TENM3: variants seen among roughly 807,000 people sequenced by gnomAD.
TENM3 encodes teneurin-3.
Under a neutral mutation model 255.1 loss-of-function variants are expected in TENM3, and 63 were observed. The observed-to-expected ratio is 0.25, with a 90% confidence interval of 0.20 to 0.30. The LOEUF (loss-of-function observed/expected upper bound fraction) is 0.30. TENM3 is among the 10% of genes least tolerant of loss of function. TENM3 has a pLI of 1.00. For synonymous variants in TENM3, 1,306 were observed against 1,322.3 expected (o/e 0.99, Z 0.27); for missense variants, 2,929 against 3,461.1 (o/e 0.85, Z 3.86).
At chr4:181,683,058 T>A in the TENM3 span, among the ~76,000 whole-genome samples, 4 of 151,050 alleles carry the variant, frequency 2.6e-5, no homozygotes, top group South Asian at 2.1e-4. Flanking sequence ...AATAAAAATT[T>A]AAAAAAATTA....
At chr4:181,863,885 G>T in the TENM3 span, among the ~76,000 whole-genome samples, 9 of 152,034 alleles carry the variant, frequency 5.9e-5, no homozygotes, top group Admixed American at 5.9e-4. Flanking sequence ...TACCAACACA[G>T]CACAGCCCAT....
the TENM3 span, among the ~76,000 whole-genome samples, chr4:182,015,786 C>T: frequency 6.6e-6 from 1 of 152,042 alleles, no homozygotes; most frequent in Non-Finnish European, 1.5e-5. Flanking sequence ...GTCTCGAACT[C>T]CTGACCTCGT....
intron 6 of TENM3, 89 bp downstream of exon 6, chr4:182,653,982 A>G (rs2152516849): frequency 2.3e-6 from 3 of 1,317,220 alleles, no homozygotes; most frequent in East Asian, 2.6e-5. Flanking sequence ...TCTAGTTTAG[A>G]TGGAACAGGG....
At chr4:181,715,440 T>C in the TENM3 span, among the ~76,000 whole-genome samples, 2 of 152,218 alleles carry the variant, frequency 1.3e-5, no homozygotes, top group Middle Eastern at 3.2e-3. Flanking sequence ...TAAATGCATA[T>C]GTAAATACTT....
the TENM3 span, among the ~76,000 whole-genome samples, chr4:181,510,579 A>G: frequency 6.6e-6 from 1 of 152,246 alleles, no homozygotes; most frequent in Non-Finnish European, 1.5e-5. Flanking sequence ...TAAAAAAAGA[A>G]AGTGTAACAA....
intron 7 of TENM3, among the ~76,000 whole-genome samples, chr4:182,679,368 C>A (rs532690130): frequency 7.2e-5 from 11 of 152,236 alleles, no homozygotes; most frequent in Middle Eastern, 3.4e-3. Context: ...TATCCCCAAA[C>A]TGCCTAAACT....
chr4:181,982,394 G>A, the TENM3 span, among the ~76,000 whole-genome samples: 582 of 152,152 alleles, frequency 3.8e-3, 18 homozygotes, highest in South Asian at 0.058. Context: ...TTTGGGAGGC[G>A]GATGTACAGT....
the TENM3 span, among the ~76,000 whole-genome samples, chr4:181,818,421 T>A: frequency 6.6e-6 from 1 of 152,100 alleles, no homozygotes; most frequent in Non-Finnish European, 1.5e-5. Context: ...CTTCAAAACT[T>A]CTCTTCCTGA....
At chr4:182,153,588 C>G (rs540371888) in intron 1 of TENM3, among the ~76,000 whole-genome samples, 140 of 152,206 alleles carry the variant, frequency 9.2e-4, no homozygotes, top group African/African-American at 3.3e-3. Context: ...AAATCTAGTT[C>G]TAGTTCAGCT....
At chr4:182,773,346 T>G in intron 22 of TENM3, 126 bp from the exon 23 acceptor site, 1 of 824,062 alleles carries the variant, frequency 1.2e-6, no homozygotes, top group South Asian at 2.0e-5. Flanking sequence ...TCACTCTGCA[T>G]CGCTCATCCA....
At chr4:182,177,962 T>TG (rs1554026694) in intron 1 of TENM3, among the ~76,000 whole-genome samples, 1 of 136,726 alleles carries the variant, frequency 7.3e-6, no homozygotes, top group Admixed American at 7.3e-5. Flanking sequence ...GTTTTTGTTT[T>TG]TTTTTTTTTT....
At chr4:182,406,093 G>C (rs1769553169) in intron 3 of TENM3, among the ~76,000 whole-genome samples, 1 of 152,124 alleles carries the variant, frequency 6.6e-6, no homozygotes, top group African/African-American at 2.4e-5. Flanking sequence ...ATCACCTGCA[G>C]TCAGGAGTTC....
chr4:182,519,166 C>CAA (rs143174812), intron 3 of TENM3, among the ~76,000 whole-genome samples: 17 of 146,638 alleles, frequency 1.2e-4, no homozygotes, highest in Admixed American at 6.7e-4. Context: ...GCTTTAGTGC[C>CAA]AAAAAAAAAA....
At chr4:181,616,008 G>T in the TENM3 span, among the ~76,000 whole-genome samples, 1 of 152,028 alleles carries the variant, frequency 6.6e-6, no homozygotes, top group Non-Finnish European at 1.5e-5. Context: ...TATTAGAGCA[G>T]ATCTTCTTGA....
chr4:182,724,717 C>T (rs950663668), intron 13 of TENM3, among the ~76,000 whole-genome samples: 1 of 152,216 alleles, frequency 6.6e-6, no homozygotes, highest in Non-Finnish European at 1.5e-5. Context: ...AGGGAAGACA[C>T]TGGCAGCATT....
Position 182,574,793 on chromosome 4 carries a change from T to A in TENM3, c.512-26131T>A, listed in dbSNP as rs574881006. On this transcript the variant is annotated intron_variant, in intron 3 of 27. Coordinates refer to ENST00000511685, the MANE Select transcript of TENM3 (RefSeq NM_001080477.4). Reference sequence around the variant, plus strand: ...TTCTCAATGAGCTATTTCAAAAAAATTTTTTTACAATGCAATTGCGGATGG... The same window carrying A: ...TTCTCAATGAGCTATTTCAAAAAAAATTTTTTACAATGCAATTGCGGATGG... 7.2e-5 allele frequency among the ~76,000 whole-genome samples: 11 copies of A among 152,170 alleles called. No homozygotes were observed. The South Asian group carries it at 2.3e-3, about 32-fold the overall frequency.
At chr4:182,411,380 A>G (rs553585292) in intron 3 of TENM3, among the ~76,000 whole-genome samples, 1 of 152,308 alleles carries the variant, frequency 6.6e-6, no homozygotes, top group East Asian at 1.9e-4. Flanking sequence ...AAATGCCCTC[A>G]CTATCCCTCC....
chr4:181,863,290 A>AT, the TENM3 span, among the ~76,000 whole-genome samples: 1 of 152,174 alleles, frequency 6.6e-6, no homozygotes, highest in Non-Finnish European at 1.5e-5. Flanking sequence ...TAAGCAATGC[A>AT]TTTTTAACAA....
chr4:182,150,852 G>A (rs372641028), intron 1 of TENM3, among the ~76,000 whole-genome samples: 4 of 152,152 alleles, frequency 2.6e-5, no homozygotes, highest in East Asian at 1.9e-4. Context: ...GTCCGATTCC[G>A]TAGCACCTCT....
Sources: gnomAD v4.1 joint callset for allele counts (sites outside exome capture counted in the v4.1 genomes callset) on GRCh38, gnomAD v4.1.1 for gene constraint, MANE v1.5 for transcripts, NCBI Gene and HGNC (gene_info 2026-07-23, HGNC 2026-07-21) for gene names.